The following AQR variants were observed in gnomAD, a reference collection of about 807,000 sequenced individuals.
The protein encoded by AQR is RNA helicase aquarius.
AQR carries 61 observed loss-of-function variants against 180.5 expected under a neutral mutation model. The ratio of observed to expected loss-of-function variants is 0.34; its 90% CI spans 0.28 to 0.42. The LOEUF (loss-of-function observed/expected upper bound fraction) is 0.42. Among genes scored for constraint, AQR ranks in the 10% least tolerant of loss-of-function variants. The pLI is 1.00. For missense variants in AQR, 1,281 were observed against 1,798.3 expected (o/e 0.71, Z 5.20); for synonymous variants, 551 against 588.8 (o/e 0.94, Z 0.93).
At chr15:34,927,198 A>G in intron 12 of AQR, 60 bp from the exon 13 acceptor site, 2 of 939,878 alleles carry the variant, frequency 2.1e-6, no homozygotes, top group Middle Eastern at 3.0e-4. Flanking sequence ...ATAAACATCT[A>G]CTATTTAAGA....
chr15:34,874,992 C>A, intron 28 of AQR, 128 bp from the exon 29 acceptor site: 1 of 845,290 alleles, frequency 1.2e-6, no homozygotes. Context: ...TTACCAGCTC[C>A]ACAAACAGGA....
At chr15:34,863,334 TGTCA>T in intron 32 of AQR, 1 of 210,362 alleles carries the variant, frequency 4.8e-6, no homozygotes, top group Middle Eastern at 1.7e-3. Flanking sequence ...AGAGTTCAAT[TGTCA>T]GTTACTAACT....
At chr15:34,905,774 T>C (rs1444929684) in intron 18 of AQR, among the ~76,000 whole-genome samples, 2 of 152,078 alleles carry the variant, frequency 1.3e-5, no homozygotes, top group African/African-American at 4.8e-5. Flanking sequence ...TATGGTAAAG[T>C]ATTACATATT....
At chr15:34,865,848 T>C (rs944093827) in intron 32 of AQR, among the ~76,000 whole-genome samples, 3 of 152,120 alleles carry the variant, frequency 2.0e-5, no homozygotes, top group Non-Finnish European at 4.4e-5. Context: ...GTGTCCAAAA[T>C]AGGCAAATCT....
chr15:34,967,502 A>G (rs369720669), intron 1 of AQR, among the ~76,000 whole-genome samples: 27 of 152,334 alleles, frequency 1.8e-4, no homozygotes, highest in African/African-American at 6.0e-4. Flanking sequence ...ATATGGGGAA[A>G]GAGACCTCTA....
At chr15:34,884,467 AAACT>A in intron 26 of AQR, 54 bp downstream of exon 26, 10 of 1,374,344 alleles carry the variant, frequency 7.3e-6, no homozygotes, top group Non-Finnish European at 9.0e-6. Flanking sequence ...CTTCAAAAAA[AAACT>A]AAACTAAATT....
In AQR at chr15:34,915,193, A is replaced by C. The variant is rs1238035224; in HGVS notation, c.1343-14T>G. The C allele has an allele frequency of 6.4e-6, 10 of 1,573,592 alleles. No individual in the cohort carries two copies. The highest frequency in any genetic ancestry group is 1.2e-5 in the South Asian group (1 of 84,646). On this transcript the variant is annotated splice_polypyrimidine_tract_variant and intron_variant, in intron 15 of 34. Coordinates refer to ENST00000156471, the MANE Select transcript of AQR (RefSeq NM_014691.3). ...GAGCAAGACAACCTGAAAAGGAAAA[A>C]AACATCCATATTTCAATTTTTTTTT...
At chr15:34,859,105 C>A (rs1892632695) in intron 34 of AQR, among the ~76,000 whole-genome samples, 1 of 152,064 alleles carries the variant, frequency 6.6e-6, no homozygotes, top group Non-Finnish European at 1.5e-5. Context: ...TTGAAAGACA[C>A]TTACAAAATA....
At chr15:34,873,081 G>A (rs528491262) in intron 30 of AQR, among the ~76,000 whole-genome samples, 30 of 151,820 alleles carry the variant, frequency 2.0e-4, no homozygotes, top group African/African-American at 7.0e-4. Flanking sequence ...ATTCTTAGTG[G>A]CTATCTAGTA....
chr15:34,871,953 AT>A (rs1422052255), intron 30 of AQR, among the ~76,000 whole-genome samples: 3 of 149,164 alleles, frequency 2.0e-5, no homozygotes, highest in Admixed American at 6.7e-5. Flanking sequence ...TAAACACAAT[AT>A]TTAAAAAAAA....
At chr15:34,890,675 GAA>G (rs1387816742) in intron 23 of AQR, among the ~76,000 whole-genome samples, 1 of 152,176 alleles carries the variant, frequency 6.6e-6, no homozygotes, top group East Asian at 1.9e-4. Flanking sequence ...ACAGAGAACT[GAA>G]AAAGTTTTTG....
chr15:34,891,066 A>G (rs1434542986), intron 23 of AQR, among the ~76,000 whole-genome samples: 1 of 152,192 alleles, frequency 6.6e-6, no homozygotes. Context: ...CCTGCCTGTG[A>G]AGTCAGCATC....
intron 2 of AQR, among the ~76,000 whole-genome samples, chr15:34,963,925 G>A (rs9920236): frequency 0.61 from 93,202 of 151,924 alleles, 30,872 homozygotes; most frequent in South Asian, 0.75. Flanking sequence ...GCCTCCCAAA[G>A]TGCTGGGATT....
chr15:34,959,131 G>A (rs1251634855), intron 3 of AQR, among the ~76,000 whole-genome samples: 3 of 152,124 alleles, frequency 2.0e-5, no homozygotes, highest in African/African-American at 4.8e-5. Context: ...CATCGAAAAG[G>A]TGGCTAATAC....
Position 34,884,667 on chromosome 15 carries a change from G to T in AQR, c.2885C>A (p.Thr962Lys). ...GAAAGGGAAGAAAGTGGAGACTTCC[G>T]TAACATCTGGCAATGTACTACCTTT... Reference protein sequence around the residue: ...KNKGSTLPDVTEVSTFFPFHE... With the variant: ...KNKGSTLPDVKEVSTFFPFHE... The change falls in exon 26 of 35, where the codon ACG becomes AAG. Residue 962 changes from threonine (T) to lysine (K), a missense_variant. Coordinates refer to ENST00000156471, the MANE Select transcript of AQR (RefSeq NM_014691.3). 2 of 1,612,438 alleles carry T rather than the reference G, an allele frequency of 1.2e-6. No individual in the cohort carries two copies. The highest frequency in any genetic ancestry group is 2.2e-5 in the South Asian group (2 of 90,648).
At chr15:34,950,679 T>C (rs185367807) in intron 4 of AQR, among the ~76,000 whole-genome samples, 1 of 152,234 alleles carries the variant, frequency 6.6e-6, no homozygotes, top group East Asian at 1.9e-4. Context: ...CTGAAGTTCT[T>C]GGTGGTGGGG....
At chr15:34,892,971 T>C (rs1316862283) in intron 23 of AQR, among the ~76,000 whole-genome samples, 1 of 152,174 alleles carries the variant, frequency 6.6e-6, no homozygotes, top group East Asian at 1.9e-4. Context: ...TCAGGGACCA[T>C]CTATACTAAT....
chr15:34,961,478 C>T (rs1028938820), intron 2 of AQR, among the ~76,000 whole-genome samples: 8 of 151,770 alleles, frequency 5.3e-5, no homozygotes, highest in Admixed American at 2.0e-4. Context: ...GGCGTGGTGG[C>T]GCACACCTGC....
chr15:34,874,874 A>T lies in AQR; in HGVS notation c.3238-10T>A, dbSNP rs781402890. ...ATCCATCCTGAGGATTCTAGAAATG[A>T]AAAGTAAGGAAATGGCAAAATACTC... On this transcript the variant is annotated splice_polypyrimidine_tract_variant and intron_variant, in intron 28 of 34. Transcript: ENST00000156471. 5.6e-6 allele frequency: 9 copies of T among 1,610,840 alleles called. No homozygotes were observed. Among genetic ancestry groups the T allele is most frequent in the South Asian group, 1.1e-5 (1 of 90,636 alleles).
Sources: allele counts gnomAD v4.1 joint callset (sites outside exome capture counted in the v4.1 genomes callset), GRCh38; gene constraint gnomAD v4.1.1; transcripts MANE v1.5; gene names NCBI Gene and HGNC (gene_info 2026-07-23, HGNC 2026-07-21).